CEMIP: variants seen among roughly 807,000 people sequenced by gnomAD.
CEMIP encodes the protein cell migration inducing hyaluronidase 1.
In CEMIP, 105 loss-of-function variants were observed where a neutral mutation model predicts 156.9. The observed-to-expected ratio is 0.67, with a 90% CI of 0.57 to 0.79. The LOEUF is 0.79. CEMIP is among the 30% of genes least tolerant of loss of function. The pLI is 0.00. For synonymous variants in CEMIP, 676 were observed against 668.4 expected (o/e 1.01, Z -0.17); for missense variants, 1,457 against 1,769.4 (o/e 0.82, Z 3.17).
intron 1 of CEMIP, among the ~76,000 whole-genome samples, chr15:80,850,375 C>T (rs1178013295): frequency 1.3e-5 from 2 of 152,274 alleles, no homozygotes; most frequent in East Asian, 1.9e-4. Flanking sequence ...CTTCCAGGTT[C>T]GAGTGATTCT....
chr15:80,920,239 G>A lies in CEMIP; in HGVS notation c.1943G>A (p.Cys648Tyr), dbSNP rs774501010. The A allele has an allele frequency of 1.2e-6, 2 of 1,614,208 alleles. No homozygotes were observed. Among genetic ancestry groups the A allele is most frequent in the South Asian group, 2.2e-5 (2 of 91,080 alleles). ...LLPSDRDSKM[C>Y]KMITEDSYPG... ...CCCTCGGACCGTGACAGCAAGATGT[G>A]CAAGATGATCACAGAGGACTCCTAC... Residue 648 changes from cysteine to tyrosine, a missense_variant, in exon 15 of 30, where the codon TGC becomes TAC. Coordinates refer to ENST00000394685, the MANE Select transcript of CEMIP (RefSeq NM_001293298.2).
intron 14 of CEMIP, among the ~76,000 whole-genome samples, chr15:80,911,550 CA>C (rs1900054050): frequency 6.6e-6 from 1 of 152,092 alleles, no homozygotes; most frequent in Admixed American, 6.5e-5. Context: ...CACACACACA[CA>C]CACACCCTGG....
At chr15:80,789,121 C>A (rs1896016847) in intron 1 of CEMIP, among the ~76,000 whole-genome samples, 1 of 152,134 alleles carries the variant, frequency 6.6e-6, no homozygotes, top group South Asian at 2.1e-4. Context: ...TTCCAGGGCC[C>A]ATTCTGTTTG....
At chr15:80,841,342 G>A (rs1176164380) in intron 1 of CEMIP, among the ~76,000 whole-genome samples, 1 of 152,126 alleles carries the variant, frequency 6.6e-6, no homozygotes, top group Admixed American at 6.5e-5. Flanking sequence ...TAAACAAAGG[G>A]CCCCCATGAC....
chr15:80,936,966 C>T (rs997085308), intron 24 of CEMIP, 81 bp downstream of exon 24: 54 of 1,332,250 alleles, frequency 4.1e-5, no homozygotes, highest in East Asian at 1.1e-4. Context: ...TTGCGTCTAA[C>T]GAAACCACAG....
chr15:80,857,494 T>G (rs914656224), intron 1 of CEMIP, among the ~76,000 whole-genome samples: 1 of 152,086 alleles, frequency 6.6e-6, no homozygotes, highest in Non-Finnish European at 1.5e-5. Flanking sequence ...TGGAAAGAGA[T>G]GCACAGAAGC....
chr15:80,929,053 C>G lies in CEMIP; in HGVS notation c.2491C>G (p.Gln831Glu). 1 of 1,614,188 alleles carries G rather than the reference C, an allele frequency of 6.2e-7. No homozygotes were observed. The highest frequency in any genetic ancestry group is 8.5e-7 in the Non-Finnish European group (1 of 1,180,038). The change falls in exon 21 of 30, where the codon CAA (glutamine) becomes GAA (glutamate). Residue 831 changes from glutamine to glutamate, a missense_variant. Gln to Glu is a conservative substitution (Grantham distance 29, BLOSUM62 2). Coordinates refer to ENST00000394685, the MANE Select transcript of CEMIP (RefSeq NM_001293298.2). The stretch of plus-strand genomic sequence containing the variant: ...CTTCCCGTATGACGACGGCTCCAAG[C>G]AAGAGATAAAGAACAGCTTGTTTGT... ...GTFPYDDGSK[Q>E]EIKNSLFVGE... is the part of the protein sequence containing the mutation.
chr15:80,886,490 A>G (rs903873906), intron 7 of CEMIP, among the ~76,000 whole-genome samples: 2 of 152,214 alleles, frequency 1.3e-5, no homozygotes, highest in African/African-American at 2.4e-5. Context: ...CAAAACAAGA[A>G]TAATGAGAGC....
chr15:80,811,743 G>A (rs143702560), intron 1 of CEMIP, among the ~76,000 whole-genome samples: 1 of 152,292 alleles, frequency 6.6e-6, no homozygotes, highest in East Asian at 1.9e-4. Flanking sequence ...TCTTCGTAGA[G>A]ATGGGGTTTC....
intron 1 of CEMIP, among the ~76,000 whole-genome samples, chr15:80,848,953 A>ATTTTTTTTT (rs764417438): frequency 4.1e-5 from 3 of 72,502 alleles, no homozygotes; most frequent in African/African-American, 6.6e-5. Context: ...CTCTTTAGAA[A>ATTTTTTTTT]TTTTTTTTTT....
intron 10 of CEMIP, among the ~76,000 whole-genome samples, chr15:80,894,542 C>T (rs111398587): frequency 6.3e-4 from 96 of 152,242 alleles, no homozygotes; most frequent in African/African-American, 1.8e-3. Context: ...TCTGAGGCTC[C>T]GAGGATGGGG....
chr15:80,879,028 G>A (rs1898558691), intron 4 of CEMIP, among the ~76,000 whole-genome samples, 161 bp downstream of exon 4: 1 of 152,210 alleles, frequency 6.6e-6, no homozygotes, highest in African/African-American at 2.4e-5. Flanking sequence ...GCTCTGAGCT[G>A]TTAGGAATGG....
At chr15:80,948,520 C>T (rs1388181995) in intron 29 of CEMIP, 1 of 486,456 alleles carries the variant, frequency 2.1e-6, no homozygotes, top group Non-Finnish European at 3.8e-6. Flanking sequence ...TACAGTTTGC[C>T]CCATTTCCTG....
chr15:80,910,242 A>G (rs940332830), intron 14 of CEMIP, among the ~76,000 whole-genome samples: 3 of 152,260 alleles, frequency 2.0e-5, no homozygotes, highest in African/African-American at 7.2e-5. Context: ...GGCAATGCCC[A>G]TCCTGCCTCC....
chr15:80,936,030 G>A (rs535650638), intron 23 of CEMIP, among the ~76,000 whole-genome samples: 20 of 152,304 alleles, frequency 1.3e-4, no homozygotes, highest in African/African-American at 4.6e-4. Context: ...GAGCCACCGC[G>A]CCCGGCCAAC....
At chr15:80,818,160 G>A (rs1272324941) in intron 1 of CEMIP, among the ~76,000 whole-genome samples, 1 of 152,182 alleles carries the variant, frequency 6.6e-6, no homozygotes, top group Non-Finnish European at 1.5e-5. Flanking sequence ...TCTCACTCAT[G>A]TTCATGTCCA....
At chr15:80,911,903 G>A (rs1900074039) in intron 14 of CEMIP, among the ~76,000 whole-genome samples, 1 of 131,984 alleles carries the variant, frequency 7.6e-6, no homozygotes, top group African/African-American at 3.2e-5. Flanking sequence ...TGGAGGCTGG[G>A]AGAGGCTGGG....
At chr15:80,817,363 G>A (rs937441576) in intron 1 of CEMIP, among the ~76,000 whole-genome samples, 1 of 152,146 alleles carries the variant, frequency 6.6e-6, no homozygotes, top group South Asian at 2.1e-4. Flanking sequence ...GAGAGGACGA[G>A]GTGGGTGAAT....
At chr15:80,853,448 G>A (rs910775127) in intron 1 of CEMIP, among the ~76,000 whole-genome samples, 22 of 152,154 alleles carry the variant, frequency 1.4e-4, no homozygotes, top group Admixed American at 6.5e-5. Flanking sequence ...CTGAACAAGC[G>A]TGACTCTAGG....
Sources: gnomAD v4.1 joint callset for allele counts (sites outside exome capture counted in the v4.1 genomes callset) on GRCh38, gnomAD v4.1.1 for gene constraint, MANE v1.5 for transcripts, NCBI Gene and HGNC (gene_info 2026-07-23, HGNC 2026-07-21) for gene names.